Variants in PDE4D observed in about 807,000 individuals in gnomAD.
PDE4D encodes the protein phosphodiesterase 4D, also known as 3',5'-cyclic-AMP phosphodiesterase 4D.
Under a neutral mutation model 87.4 loss-of-function variants are expected in PDE4D, and 24 were observed. The observed-to-expected ratio is 0.27, with a 90% CI of 0.20 to 0.39. The LOEUF (loss-of-function observed/expected upper bound fraction) is 0.39. PDE4D is among the 10% of genes least tolerant of loss of function. The pLI is 1.00. For missense variants in PDE4D, 714 were observed against 1,041.0 expected (o/e 0.69, Z 4.32); for synonymous variants, 384 against 383.2 (o/e 1.00, Z -0.02).
chr5:59,490,059 T>C (rs1805899635), intron 1 of PDE4D, among the ~76,000 whole-genome samples: 1 of 152,190 alleles, frequency 6.6e-6, no homozygotes, highest in Admixed American at 6.5e-5. Flanking sequence ...AAAAATATCA[T>C]TTCGCAAATA....
At chr5:59,186,393 T>A (rs1742924932) in intron 3 of PDE4D, among the ~76,000 whole-genome samples, 1 of 152,164 alleles carries the variant, frequency 6.6e-6, no homozygotes, top group Admixed American at 6.6e-5. Flanking sequence ...ATAGAAAGCA[T>A]TCAGCCAATA....
chr5:60,520,610 G>A lies in PDE4D; in HGVS notation n.70+1441C>T, dbSNP rs114340271. ...GTAGTGGCCCATGGCTTGTGGCCCC[G>A]GGCCAGCACTCAGATCTTCACCCAC... On this transcript the variant is annotated intron_variant and non_coding_transcript_variant, in intron 1 of 2. Coordinates refer to the PDE4D transcript ENST00000506510. 6.8e-3 allele frequency among the ~76,000 whole-genome samples: 1,029 copies of A among 152,200 alleles called. 16 individuals are homozygous for A. Among genetic ancestry groups the A allele is most frequent in the African/African-American group, 0.022 (917 of 41,532 alleles).
intron 1 of PDE4D, among the ~76,000 whole-genome samples, chr5:60,429,161 T>A (rs1421789588): frequency 2.0e-5 from 3 of 152,236 alleles, no homozygotes; most frequent in Admixed American, 1.3e-4. Flanking sequence ...TCCATTTGTT[T>A]ATGTCATCTC....
At position 58,996,482 on chromosome 5, in the gene PDE4D, T is replaced by C. The variant is rs541547847; in HGVS notation, c.922-3017A>G. The stretch of plus-strand genomic sequence containing the variant: ...CCTGGTCATGACAAAGTCTTTTTTT[T>C]CATAAAAGATAGGAGATGAGGCAAA... On this transcript the variant is annotated intron_variant, in intron 6 of 14. Transcript: ENST00000340635. Among the ~76,000 whole-genome samples, 5 of 152,280 alleles carry C rather than the reference T, an allele frequency of 3.3e-5. No homozygotes were observed. The South Asian group carries it at 8.3e-4, about 25-fold the overall frequency.
chr5:60,467,782 G>A (rs923678177), intron 1 of PDE4D, among the ~76,000 whole-genome samples: 1 of 152,166 alleles, frequency 6.6e-6, no homozygotes, highest in Non-Finnish European at 1.5e-5. Flanking sequence ...AGGTGAAGGG[G>A]AAGCAAGCAC....
intron 3 of PDE4D, among the ~76,000 whole-genome samples, chr5:59,948,979 C>G (rs1010447349): frequency 4.6e-5 from 7 of 152,200 alleles, no homozygotes; most frequent in Non-Finnish European, 1.0e-4. Context: ...CATCCTCAAA[C>G]TGAAGCAAAG....
At chr5:59,256,414 A>C (rs944667182) in intron 1 of PDE4D, among the ~76,000 whole-genome samples, 1 of 152,130 alleles carries the variant, frequency 6.6e-6, no homozygotes, top group African/African-American at 2.4e-5. Context: ...AGTGCTCTGC[A>C]GATTTAAAAT....
At chr5:59,954,303 G>T (rs992619931) in intron 3 of PDE4D, among the ~76,000 whole-genome samples, 5 of 152,184 alleles carry the variant, frequency 3.3e-5, no homozygotes, top group African/African-American at 4.8e-5. Context: ...GAGAAGAAAT[G>T]ATATTATAAG....
At chr5:59,835,353 A>T (rs1387956875) in intron 1 of PDE4D, among the ~76,000 whole-genome samples, 1 of 151,992 alleles carries the variant, frequency 6.6e-6, no homozygotes, top group Non-Finnish European at 1.5e-5. Context: ...GAGCCCTATC[A>T]TCCCTCAGGC....
chr5:59,712,452 C>A (rs1008556432), intron 1 of PDE4D, among the ~76,000 whole-genome samples: 32 of 132,672 alleles, frequency 2.4e-4, no homozygotes, highest in Admixed American at 1.8e-3. Context: ...ATTCTAAGTT[C>A]TTTATGTTAC....
chr5:59,681,528 G>A (rs1219660209), intron 1 of PDE4D, among the ~76,000 whole-genome samples: 1 of 152,176 alleles, frequency 6.6e-6, no homozygotes, highest in Non-Finnish European at 1.5e-5. Context: ...GGACATTTAA[G>A]AGATGATTAG....
intron 2 of PDE4D, among the ~76,000 whole-genome samples, chr5:60,057,335 C>G (rs1281067814): frequency 6.6e-6 from 1 of 151,988 alleles, no homozygotes; most frequent in Non-Finnish European, 1.5e-5. Flanking sequence ...TTACATGCAG[C>G]CTTCTAGGTC....
At chr5:60,086,086 G>A (rs953787002) in intron 2 of PDE4D, among the ~76,000 whole-genome samples, 5 of 152,074 alleles carry the variant, frequency 3.3e-5, no homozygotes, top group Non-Finnish European at 5.9e-5. Flanking sequence ...CCTTTATTAC[G>A]ATAGCCAAAA....
At chr5:60,471,029 T>G (rs931263668) in intron 1 of PDE4D, among the ~76,000 whole-genome samples, 2 of 152,132 alleles carry the variant, frequency 1.3e-5, no homozygotes, top group Admixed American at 6.5e-5. Flanking sequence ...CAATGTCAGT[T>G]GAAAGCCTTC....
At chr5:60,177,681 C>A (rs901576238) in intron 2 of PDE4D, among the ~76,000 whole-genome samples, 1 of 152,134 alleles carries the variant, frequency 6.6e-6, no homozygotes. Flanking sequence ...ATTATTGAGC[C>A]TGTTCTAAGA....
chr5:60,361,172 T>A (rs1474152580), intron 1 of PDE4D, among the ~76,000 whole-genome samples: 4 of 152,206 alleles, frequency 2.6e-5, no homozygotes, highest in Non-Finnish European at 5.9e-5. Context: ...TCTAGCATAG[T>A]GATCAAGCAC....
intron 1 of PDE4D, among the ~76,000 whole-genome samples, chr5:59,424,222 G>A (rs2702372): frequency 0.8 from 121,612 of 152,054 alleles, 48,808 homozygotes; most frequent in South Asian, 0.87. Flanking sequence ...GGGAACTGGA[G>A]ATATACATTC....
At chr5:59,222,343 T>C (rs16889392) in intron 1 of PDE4D, among the ~76,000 whole-genome samples, 3,221 of 152,256 alleles carry the variant, frequency 0.021, 92 homozygotes, top group African/African-American at 0.072. Context: ...AATTTATTTT[T>C]GACCATGATA....
chr5:59,134,927 GCACATT>G, intron 5 of PDE4D, among the ~76,000 whole-genome samples: 1 of 152,214 alleles, frequency 6.6e-6, no homozygotes. Context: ...TTCTGAAAAG[GCACATT>G]TGCTGAGTTG....
Sources: gnomAD v4.1 joint callset for allele counts (sites outside exome capture counted in the v4.1 genomes callset) on GRCh38, gnomAD v4.1.1 for gene constraint, MANE v1.5 for transcripts, NCBI Gene and HGNC (gene_info 2026-07-23, HGNC 2026-07-21) for gene names.